The following C6orf136 variants were observed in gnomAD, a reference collection of about 807,000 sequenced individuals.
C6orf136 encodes the protein uncharacterized protein C6orf136.
Under a neutral mutation model 44.0 loss-of-function variants are expected in C6orf136, and 29 were observed. That is an observed-to-expected ratio of 0.66 (90% confidence interval 0.49 to 0.90). C6orf136 has a LOEUF of 0.90. Among genes scored for constraint, C6orf136 ranks in the 40% least tolerant of loss-of-function variants. C6orf136 has a pLI of 0.00. For missense variants in C6orf136, 628 were observed against 669.3 expected (o/e 0.94, Z 0.68); for synonymous variants, 293 against 278.6 (o/e 1.05, Z -0.52).
At chr6:30,652,115 C>T (rs1272941635) in intron 4 of C6orf136, among the ~76,000 whole-genome samples, 1 of 151,930 alleles carries the variant, frequency 6.6e-6, no homozygotes, top group Admixed American at 6.6e-5. Context: ...TGGTGGTACA[C>T]ACCTGTAGTT....
rs1461292968 is a variant in C6orf136 at position 30,651,031 on chromosome 6, T to C, written c.1055T>C (p.Leu352Pro). 6.2e-7 allele frequency: 1 copy of C among 1,614,176 alleles called. No individual in the cohort carries two copies. Among genetic ancestry groups the C allele is most frequent in the South Asian group, 1.1e-5 (1 of 91,090 alleles). Residue 352 changes from leucine (L) to proline (P), a missense_variant, in exon 3 of 6, where the codon CTG becomes CCG. Physicochemically the swap from Leu to Pro is moderately conservative, Grantham distance 98. Coordinates refer to ENST00000651131, the MANE Select transcript of C6orf136 (RefSeq NM_001161376.2). ...TTCCTTCAGTCCCACGACTACAGTC[T>C]GTATTCCTTGGATGTGGAATTCATC... is the stretch of plus-strand genomic sequence containing the variant. ...KLFLQSHDYS[L>P]YSLDVEFINE...
Position 30,647,668 on chromosome 6 carries a change from C to G in C6orf136, c.437C>G (p.Ser146Cys). 3 of 1,550,082 alleles carry G rather than the reference C, an allele frequency of 1.9e-6. No individual in the cohort carries two copies. The highest frequency in any genetic ancestry group is 1.7e-6 in the Non-Finnish European group (2 of 1,146,666). ...RSPAAAPSRS[S>C]PAQTRPAGRP... ...CCTGCTGCGGCGCCGTCCCGGAGTT[C>G]CCCGGCCCAGACCAGACCCGCGGGG... The change falls in exon 1 of 6, where the codon TCC becomes TGC. Residue 146 changes from serine (S) to cysteine (C), a missense_variant. Physicochemically the swap from Ser to Cys is moderately radical, Grantham distance 112. Transcript: ENST00000651131. The surrounding 1 kb of genome is among the most constrained non-coding windows in gnomAD (Gnocchi z 4.8).
Position 30,651,425 on chromosome 6 carries a change from CT to C in C6orf136, c.1271del (p.Leu424CysfsTer23). The C allele has an allele frequency of 6.2e-7, 1 of 1,612,208 alleles. No individual in the cohort carries two copies. ...RLVGLPVHLL[F>X]LRFYKRDKDE... is the part of the protein sequence containing the mutation. ...TTGTGGGGCTGCCCGTCCACTTGCT[CT>C]TTTTGCGGTTCTACAAGCGTGACAA... On this transcript the variant is annotated frameshift_variant, in exon 4 of 6. Coordinates refer to ENST00000651131, the MANE Select transcript of C6orf136 (RefSeq NM_001161376.2). LOFTEE classifies it high-confidence loss of function.
chr6:30,649,579 C>G lies in C6orf136; in HGVS notation c.637C>G (p.Leu213Val). 6.3e-7 allele frequency: 1 copy of G among 1,586,040 alleles called. No individual in the cohort carries two copies. The highest frequency in any genetic ancestry group is 1.2e-5 in the South Asian group (1 of 86,092). ...TTAGGACCAGCTTTATCCAGGGACTCTACCATTCCCACCCCTTTGGCCCCA... is the reference window on the plus strand; with the variant it reads ...TTAGGACCAGCTTTATCCAGGGACTGTACCATTCCCACCCCTTTGGCCCCA... Reference protein sequence around the residue: ...GTEDQLYPGTLPFPPLWPHST... With the variant: ...GTEDQLYPGTVPFPPLWPHST... The change falls in exon 2 of 6, where the codon CTA becomes GTA. Residue 213 changes from leucine (L) to valine (V), a missense_variant. Physicochemically the swap from Leu to Val is conservative, Grantham distance 32. This residue lies in a region of C6orf136 where 497 missense variants were observed against 469.2 expected (regional missense o/e 1.06). Transcript: ENST00000651131.
At position 30,647,316 on chromosome 6, in the gene C6orf136, G is replaced by A. The variant is rs764946486; in HGVS notation, c.85G>A (p.Glu29Lys). 5.7e-6 allele frequency: 9 copies of A among 1,592,438 alleles called. No individual in the cohort carries two copies. The African/African-American group carries it at 8.2e-5, about 15-fold the overall frequency. The change falls in exon 1 of 6, where the codon GAA becomes AAA. Residue 29 changes from glutamate to lysine, a missense_variant. Physicochemically the swap from Glu to Lys is moderately conservative, Grantham distance 56. Around this residue, in one of 2 missense-constraint regions of C6orf136, gnomAD observed 497 missense variants for 469.2 expected, o/e 1.06. Coordinates refer to ENST00000651131, the MANE Select transcript of C6orf136 (RefSeq NM_001161376.2). This position sits in a 1 kb window ranked among gnomAD's most constrained non-coding sequence, Gnocchi z 4.8. The stretch of plus-strand genomic sequence containing the variant: ...GGCTCGACCCCAGGTGAGCGGAGGA[G>A]AAGAGGGAGGGAGGAGAGGGGGCGG... ...YQARPQVSGG[E>K]EGGRRGGGER... is the part of the protein sequence containing the mutation.
At chr6:30,652,413 C>T (rs1369082282) in intron 4 of C6orf136, among the ~76,000 whole-genome samples, 1 of 152,098 alleles carries the variant, frequency 6.6e-6, no homozygotes, top group Non-Finnish European at 1.5e-5. Context: ...GTTTTTAAAC[C>T]AGCAGTTCCC....
At chr6:30,648,910 A>T (rs1266960100) in intron 1 of C6orf136, among the ~76,000 whole-genome samples, 1 of 151,948 alleles carries the variant, frequency 6.6e-6, no homozygotes, top group African/African-American at 2.4e-5. Context: ...CGGGAGGCTG[A>T]GGCAGGAGAA....
Position 30,647,389 on chromosome 6 carries a change from G to A in C6orf136, c.158G>A (p.Gly53Asp). 6.7e-7 allele frequency: 1 copy of A among 1,486,418 alleles called. No homozygotes were observed. The highest frequency in any genetic ancestry group is 2.5e-5 in the East Asian group (1 of 39,814). 92.1% of individuals were successfully genotyped at this position (1,486,418 alleles called of 1,614,324 possible). Reference sequence around the variant, plus strand: ...GTGCGTGGGGCGGAGCGCGCGCTGGGTTCCGCGCAGGCGCAGAGACACCCG... The same window carrying A: ...GTGCGTGGGGCGGAGCGCGCGCTGGATTCCGCGCAGGCGCAGAGACACCCG... ...KPVRGAERALGSAQAQRHPPP... is the reference protein window; with the variant it reads ...KPVRGAERALDSAQAQRHPPP... Residue 53 changes from glycine (G) to aspartate (D), a missense_variant, in exon 1 of 6, where the codon GGT becomes GAT. Gly to Asp is a moderately conservative substitution (Grantham distance 94). This residue lies in a region of C6orf136 where 497 missense variants were observed against 469.2 expected (regional missense o/e 1.06). Transcript: ENST00000651131. This position sits in a 1 kb window ranked among gnomAD's most constrained non-coding sequence, Gnocchi z 4.8.
Position 30,647,822 on chromosome 6 carries a change from C to G in C6orf136, c.591C>G (p.Ala197=), listed in dbSNP as rs551411222. ...QDGHAPSRDG[A]SRTPSGTEDQ... is the part of the protein sequence containing the mutation. ...GCCACGCCCCCAGCAGAGACGGCGC[C>G]TCTAGGACACCATCGGGGACCGAGG... The change falls in exon 1 of 6, where the codon GCC becomes GCG. Residue 197 remains alanine, a synonymous_variant. Coordinates refer to ENST00000651131, the MANE Select transcript of C6orf136 (RefSeq NM_001161376.2). The surrounding 1 kb of genome is among the most constrained non-coding windows in gnomAD (Gnocchi z 4.8). 2.2e-5 allele frequency: 34 copies of G among 1,513,434 alleles called. No individual in the cohort carries two copies. Among genetic ancestry groups the G allele is most frequent in the African/African-American group, 7.0e-5 (5 of 71,552 alleles). The allele number at this position is 1,513,434 out of a possible 1,614,324, so 93.8% of individuals were successfully genotyped here.
intron 1 of C6orf136, 134 bp from the exon 2 acceptor site, chr6:30,649,424 C>A: frequency 1.4e-6 from 1 of 730,980 alleles, no homozygotes; most frequent in Non-Finnish European, 2.2e-6. Flanking sequence ...ATGAATCCAT[C>A]CCTTTTTTCC....
chr6:30,649,082 C>T (rs991758874), intron 1 of C6orf136, among the ~76,000 whole-genome samples: 4 of 148,390 alleles, frequency 2.7e-5, no homozygotes, highest in Non-Finnish European at 6.0e-5. Flanking sequence ...ACAGTTTGCT[C>T]GGCTGGGCGC....
Position 30,651,529 on chromosome 6 carries a change from C to T in C6orf136, c.1307+63C>T, listed in dbSNP as rs189967481. 439 of 1,391,792 alleles carry T rather than the reference C, an allele frequency of 3.2e-4. 6 individuals are homozygous for T. In the East Asian group the frequency reaches 9.4e-3, roughly 30 times the overall value. The allele number at this position is 1,391,792 out of a possible 1,614,324, so 86.2% of individuals were successfully genotyped here. ...GTTCCTTTTTTTTTTTTTTTTGAGA[C>T]GGAGTCTCACTCTGTCACCCAGGAT... On this transcript the variant is annotated intron_variant, in intron 4 of 5. Transcript: ENST00000651131.
chr6:30,649,733 G>A lies in C6orf136; in HGVS notation c.791G>A (p.Trp264Ter). 1 of 1,613,812 alleles carries A rather than the reference G, an allele frequency of 6.2e-7. No individual in the cohort carries two copies. Among genetic ancestry groups the A allele is most frequent in the Non-Finnish European group, 8.5e-7 (1 of 1,179,890 alleles). ...LPQIQALSSA[W>*]VVLPPGKGEE... ...CAGATCCAGGCCCTCAGCTCAGCAT[G>A]GGTGGTTCTCCCTCCAGGAAAGGGG... The change falls in exon 2 of 6, where the codon TGG becomes TAG. Residue 264 changes from tryptophan (W) to a stop codon, truncating the protein, a stop_gained. Coordinates refer to ENST00000651131, the MANE Select transcript of C6orf136 (RefSeq NM_001161376.2). LOFTEE classifies it high-confidence loss of function.
At chr6:30,649,475 G>A in intron 1 of C6orf136, 83 bp from the exon 2 acceptor site, 2 of 1,273,744 alleles carry the variant, frequency 1.6e-6, no homozygotes, top group Non-Finnish European at 2.2e-6. Context: ...AATAGGTATT[G>A]GAAGCCTGTT....
intron 2 of C6orf136, 28 bp downstream of exon 2, chr6:30,649,987 C>T: frequency 6.2e-7 from 1 of 1,601,844 alleles, no homozygotes; most frequent in Non-Finnish European, 8.5e-7. Flanking sequence ...TGGCCTTCGT[C>T]TACAGTGGGA....
Position 30,647,444 on chromosome 6 carries a change from C to G in C6orf136, c.213C>G (p.Arg71=), listed in dbSNP as rs1454956287. ...CCCTTCCCACCTGTGCCCTGCAGCG[C>G]GTGGACAGGCTAGGGGTCGCGGGAG... ...PPPLPTCALQ[R]VDRLGVAGAG... The change falls in exon 1 of 6, where the codon CGC becomes CGG. Residue 71 remains arginine (R), a synonymous_variant. Coordinates refer to ENST00000651131, the MANE Select transcript of C6orf136 (RefSeq NM_001161376.2). This position sits in a 1 kb window ranked among gnomAD's most constrained non-coding sequence, Gnocchi z 4.8. 1.4e-6 allele frequency: 2 copies of G among 1,471,492 alleles called. No individual in the cohort carries two copies. The highest frequency in any genetic ancestry group is 4.8e-5 in the Admixed American group (2 of 41,874). 91.2% of individuals were successfully genotyped at this position (1,471,492 alleles called of 1,614,324 possible).
Position 30,647,975 on chromosome 6 carries a change from C to T in C6orf136, c.615+129C>T. On this transcript the variant is annotated intron_variant, in intron 1 of 5. Coordinates refer to ENST00000651131, the MANE Select transcript of C6orf136 (RefSeq NM_001161376.2). This position sits in a 1 kb window ranked among gnomAD's most constrained non-coding sequence, Gnocchi z 4.8. Reference sequence around the variant, plus strand: ...CTTGCAGTTTCAACGTCGGTAAACCCAGGAGAGTGAAGGCCAGCCTTTAAC... The same window carrying T: ...CTTGCAGTTTCAACGTCGGTAAACCTAGGAGAGTGAAGGCCAGCCTTTAAC... 1 of 1,347,632 alleles carries T rather than the reference C, an allele frequency of 7.4e-7. No individual in the cohort carries two copies. 83.5% of individuals were successfully genotyped at this position (1,347,632 alleles called of 1,614,324 possible). A position where few individuals can be genotyped will look rare whatever the true frequency, so the allele number is the denominator to read the frequency against.
At position 30,649,883 on chromosome 6, in the gene C6orf136, C is replaced by T. The variant is rs201369755; in HGVS notation, c.941C>T (p.Pro314Leu). 1.8e-5 allele frequency: 29 copies of T among 1,613,872 alleles called. No homozygotes were observed. The African/African-American group carries it at 2.7e-4, about 15-fold the overall frequency. ...TTCCAAGTCCCTGGAACTGCCCACC[C>T]TTCCCCTGCCACCCCGTCAGGAGAT... Reference protein sequence around the residue: ...IPFQVPGTAHPSPATPSGDPS... With the variant: ...IPFQVPGTAHLSPATPSGDPS... Residue 314 changes from proline to leucine, a missense_variant, in exon 2 of 6, where the codon CCT (proline) becomes CTT (leucine). Pro to Leu is a moderately conservative substitution (Grantham distance 98, BLOSUM62 -3). Coordinates refer to ENST00000651131, the MANE Select transcript of C6orf136 (RefSeq NM_001161376.2).
intron 4 of C6orf136, among the ~76,000 whole-genome samples, chr6:30,652,095 T>G (rs1767475509): frequency 1.3e-5 from 2 of 151,832 alleles, no homozygotes; most frequent in Admixed American, 6.6e-5. Flanking sequence ...ATACAAAAAT[T>G]AGCCCAGTGT....
Sources: allele counts gnomAD v4.1 joint callset (sites outside exome capture counted in the v4.1 genomes callset), GRCh38; gene constraint gnomAD v4.1.1; regional missense constraint gnomAD v4.1.1; non-coding constraint Gnocchi (gnomAD v3.1); transcripts MANE v1.5; gene names NCBI Gene and HGNC (gene_info 2026-07-23, HGNC 2026-07-21).